The following HYDIN variants were observed in gnomAD, a reference collection of about 807,000 sequenced individuals.
HYDIN encodes HYDIN axonemal central pair apparatus protein, also known as axonemal central pair apparatus protein HYDIN.
HYDIN carries 132 observed loss-of-function variants against 403.9 expected under a neutral mutation model. That is an observed-to-expected ratio of 0.33 (90% confidence interval 0.28 to 0.38). The LOEUF is 0.38. HYDIN is among the 10% of genes least tolerant of loss of function. The pLI is 1.00. For synonymous variants in HYDIN, 1,202 were observed against 1,891.7 expected (o/e 0.64, Z 9.46); for missense variants, 2,827 against 5,009.5 (o/e 0.56, Z 13.15).
At chr16:71,168,993 T>A (rs1317528253) in intron 5 of HYDIN, among the ~76,000 whole-genome samples, 1 of 152,204 alleles carries the variant, frequency 6.6e-6, no homozygotes, top group East Asian at 1.9e-4. Context: ...GATCTAGCAA[T>A]TCCACTTCTG....
chr16:71,179,825 G>T (rs540751478), intron 3 of HYDIN, among the ~76,000 whole-genome samples: 1 of 152,324 alleles, frequency 6.6e-6, no homozygotes, highest in Non-Finnish European at 1.5e-5. Flanking sequence ...CAAGCTAGTA[G>T]CCTGTTTAGC....
chr16:71,217,856 T>C (rs975903451), intron 1 of HYDIN, among the ~76,000 whole-genome samples: 6 of 152,176 alleles, frequency 3.9e-5, no homozygotes, highest in African/African-American at 1.4e-4. Flanking sequence ...TGAGGTCTGG[T>C]CCAAGAGAGG....
rs551851125 is a variant in HYDIN at position 71,089,361 on chromosome 16, C to T, written c.1447-837G>A. On this transcript the variant is annotated intron_variant, in intron 11 of 85. Transcript: ENST00000393567. ...GTTCTATCCTGGCTTCCAAAGACAC[C>T]ACCTCTGATCCTTGCCAATGCTGTC... is the stretch of plus-strand genomic sequence containing the variant. Among the ~76,000 whole-genome samples, 4 of 152,032 alleles carry T rather than the reference C, an allele frequency of 2.6e-5. No individual in the cohort carries two copies. In the East Asian group the frequency reaches 5.8e-4, roughly 22 times the overall value.
chr16:70,922,057 TC>T (rs1207685310), intron 45 of HYDIN, among the ~76,000 whole-genome samples: 2 of 152,208 alleles, frequency 1.3e-5, no homozygotes, highest in African/African-American at 4.8e-5. Flanking sequence ...AGCCAGTGTC[TC>T]CCTTCCCAGG....
intron 18 of HYDIN, among the ~76,000 whole-genome samples, chr16:71,037,457 C>A (rs2081127616): frequency 1.3e-5 from 2 of 152,056 alleles, no homozygotes; most frequent in South Asian, 4.2e-4. Context: ...CACGATTATC[C>A]TCCCCCAGTT....
At chr16:71,229,884 C>T (rs2041205191) in intron 1 of HYDIN, among the ~76,000 whole-genome samples, 1 of 152,164 alleles carries the variant, frequency 6.6e-6, no homozygotes, top group Admixed American at 6.5e-5. Context: ...CTCCCATAAT[C>T]CCCACGTGTC....
intron 18 of HYDIN, among the ~76,000 whole-genome samples, chr16:71,034,268 G>C (rs2081013738): frequency 6.6e-6 from 1 of 152,104 alleles, no homozygotes; most frequent in Admixed American, 6.5e-5. Flanking sequence ...AGAAAAAAGA[G>C]AAATGTAAAA....
intron 3 of HYDIN, among the ~76,000 whole-genome samples, chr16:71,181,082 A>C (rs147620872): frequency 6.6e-6 from 1 of 152,168 alleles, no homozygotes; most frequent in East Asian, 1.9e-4. Context: ...ACCTTAACTG[A>C]AATTAAGGAA....
intron 41 of HYDIN, among the ~76,000 whole-genome samples, chr16:70,945,600 G>T (rs1377974787): frequency 6.6e-6 from 1 of 152,208 alleles, no homozygotes; most frequent in South Asian, 2.1e-4. Context: ...AGAAGACTTT[G>T]TCCCAGGCTA....
At chr16:70,933,958 G>T (rs866684180) in intron 45 of HYDIN, among the ~76,000 whole-genome samples, 2 of 152,248 alleles carry the variant, frequency 1.3e-5, no homozygotes, top group Middle Eastern at 6.8e-3. Flanking sequence ...AGACACAAAG[G>T]CTGACGCTGG....
intron 59 of HYDIN, among the ~76,000 whole-genome samples, chr16:70,883,125 C>T (rs890706880): frequency 1.6e-4 from 25 of 152,296 alleles, no homozygotes; most frequent in African/African-American, 5.8e-4. Flanking sequence ...ATGGTAAGAT[C>T]CAAGATCTGG....
intron 13 of HYDIN, among the ~76,000 whole-genome samples, chr16:71,078,156 ATT>A (rs1360192625): frequency 1.2e-4 from 18 of 148,670 alleles, no homozygotes; most frequent in Non-Finnish European, 2.2e-4. Flanking sequence ...CTGTGAATAT[ATT>A]TGTCTCCTAA....
At chr16:70,837,352 T>C (rs1567681772) in intron 77 of HYDIN, among the ~76,000 whole-genome samples, 1 of 151,990 alleles carries the variant, frequency 6.6e-6, no homozygotes, top group Admixed American at 6.5e-5. Context: ...CATGCCCTGA[T>C]GCAGGAGGAA....
chr16:71,230,669 AGCCGCCCGCACTCTCCAT>A lies in HYDIN; in HGVS notation c.-149_-132del. The A allele has an allele frequency of 6.5e-7, 1 of 1,536,006 alleles. No homozygotes were observed. The highest frequency in any genetic ancestry group is 8.7e-7 in the Non-Finnish European group (1 of 1,146,866). On this transcript the variant is annotated 5_prime_UTR_variant, in exon 1 of 86. It removes an upstream start codon present in the reference 5' UTR. Transcript: ENST00000393567. ...CTGAGGGGCTCCATACCCAGCTTGA[AGCCGCCCGCACTCTCCAT>A]GCGCCGCCCGAGCTGTTGCCGTCCG... is the stretch of plus-strand genomic sequence containing the variant.
intron 25 of HYDIN, among the ~76,000 whole-genome samples, chr16:70,990,734 A>C (rs897820425): frequency 6.6e-6 from 1 of 152,226 alleles, no homozygotes; most frequent in Non-Finnish European, 1.5e-5. Context: ...GCTTTATGCA[A>C]GTGCAGAGGT....
intron 23 of HYDIN, among the ~76,000 whole-genome samples, chr16:71,006,992 C>T (rs1340949558): frequency 1.3e-5 from 2 of 151,016 alleles, no homozygotes; most frequent in African/African-American, 4.9e-5. Context: ...TCCCTCTCTC[C>T]CTGTCTCTTC....
intron 18 of HYDIN, among the ~76,000 whole-genome samples, chr16:71,057,537 T>A (rs1347365744): frequency 6.6e-6 from 1 of 152,206 alleles, no homozygotes; most frequent in Non-Finnish European, 1.5e-5. Context: ...AACTAAATGT[T>A]AGTTCTCATC....
chr16:70,837,855 G>A lies in HYDIN; in HGVS notation c.13077C>T (p.Leu4359=), dbSNP rs1458871526. 2.1e-5 allele frequency: 34 copies of A among 1,613,786 alleles called. No individual in the cohort carries two copies. Among genetic ancestry groups the A allele is most frequent in the African/African-American group, 1.1e-4 (8 of 74,920 alleles). The change falls in exon 77 of 86, where the codon CTC becomes CTT. Residue 4359 remains leucine, a synonymous_variant. Coordinates refer to ENST00000393567, the MANE Select transcript of HYDIN (RefSeq NM_001270974.2). ...IDCLYTNTTH[L]EVNSRVDVVK... ...CCACATCAACACGGGAGTTCACCTC[G>A]AGGTGAGTGGTGTTGGTGTACAGAC...
chr16:70,966,855 G>C (rs540664325), intron 36 of HYDIN, among the ~76,000 whole-genome samples: 2 of 151,394 alleles, frequency 1.3e-5, no homozygotes, highest in East Asian at 3.9e-4. Flanking sequence ...ATTGGTGTTG[G>C]GCATTCAATA....
Sources: allele counts gnomAD v4.1 joint callset (sites outside exome capture counted in the v4.1 genomes callset), GRCh38; gene constraint gnomAD v4.1.1; transcripts MANE v1.5; gene names NCBI Gene and HGNC (gene_info 2026-07-23, HGNC 2026-07-21).